Variants in NCOR1 observed in about 807,000 individuals in gnomAD.
The protein encoded by NCOR1 is nuclear receptor corepressor 1, also known as protein phosphatase 1, regulatory subunit 109.
A neutral mutation model predicts 288.1 loss-of-function variants in NCOR1; 63 were observed. The observed-to-expected ratio is 0.22, with a 90% CI of 0.18 to 0.27. The LOEUF is 0.27. Among genes scored for constraint, NCOR1 ranks in the 10% least tolerant of loss-of-function variants. The pLI is 1.00. For missense variants in NCOR1, 2,397 were observed against 3,019.2 expected (o/e 0.79, Z 4.83); for synonymous variants, 1,007 against 1,065.9 (o/e 0.94, Z 1.08).
intron 23 of NCOR1, among the ~76,000 whole-genome samples, chr17:16,085,209 T>C (rs2064029918): frequency 6.6e-6 from 1 of 152,064 alleles, no homozygotes; most frequent in South Asian, 2.1e-4. Flanking sequence ...AAATGTAAAA[T>C]ACAACCACAA....
intron 18 of NCOR1, among the ~76,000 whole-genome samples, chr17:16,112,528 A>C (rs1202599657): frequency 1.3e-5 from 2 of 151,984 alleles, no homozygotes; most frequent in Non-Finnish European, 2.9e-5. Flanking sequence ...ACGGAGTCTC[A>C]CTCTGTCGCC....
intron 42 of NCOR1, among the ~76,000 whole-genome samples, chr17:16,041,754 T>G (rs987151077): frequency 6.7e-6 from 1 of 149,536 alleles, no homozygotes; most frequent in African/African-American, 2.5e-5. Context: ...AATTTATTTT[T>G]AAGACGGAGT....
chr17:16,180,319 G>T (rs1051064291), intron 3 of NCOR1, among the ~76,000 whole-genome samples: 3 of 152,194 alleles, frequency 2.0e-5, no homozygotes, highest in African/African-American at 7.2e-5. Context: ...CTAGTATTTT[G>T]TTGGTGGGAA....
chr17:16,127,819 T>C (rs907721642), intron 14 of NCOR1, among the ~76,000 whole-genome samples: 8 of 151,530 alleles, frequency 5.3e-5, no homozygotes, highest in African/African-American at 1.5e-4. Context: ...ACTGGGAGTG[T>C]TGGAACATAT....
chr17:16,098,478 T>C lies in NCOR1; in HGVS notation c.2709A>G (p.Ser903=). ...PERQRMFPMD[S]KPSLLNPTGS... ...CAGTGGGGTTTAACAGTGAAGGCTTTGAGTCCATAGGAAACATTCTGCAAT... is the reference window on the plus strand; with the variant it reads ...CAGTGGGGTTTAACAGTGAAGGCTTCGAGTCCATAGGAAACATTCTGCAAT... The change falls in exon 21 of 46, where the codon TCA becomes TCG. Residue 903 remains serine, a synonymous_variant. Coordinates refer to ENST00000268712, the MANE Select transcript of NCOR1 (RefSeq NM_006311.4). 1 of 1,611,060 alleles carries C rather than the reference T, an allele frequency of 6.2e-7. No homozygotes were observed. The highest frequency in any genetic ancestry group is 8.5e-7 in the Non-Finnish European group (1 of 1,178,892).
chr17:16,040,924 A>G (rs926763586), intron 42 of NCOR1: 3 of 174,858 alleles, frequency 1.7e-5, no homozygotes, highest in Non-Finnish European at 2.4e-5. Flanking sequence ...GAAAAGGGAA[A>G]GGAACTTTGC....
intron 3 of NCOR1, among the ~76,000 whole-genome samples, chr17:16,173,761 T>A (rs902956696): frequency 1.3e-5 from 2 of 151,978 alleles, no homozygotes; most frequent in African/African-American, 4.8e-5. Flanking sequence ...GAAAAACCCA[T>A]CTCTACTAAA....
intron 25 of NCOR1, 139 bp from the exon 26 acceptor site, chr17:16,080,203 T>C: frequency 1.2e-6 from 1 of 806,508 alleles, no homozygotes; most frequent in East Asian, 2.7e-5. Context: ...TTTGTTTTAT[T>C]AAAATGTACT....
chr17:16,147,889 C>G (rs2078238241), intron 9 of NCOR1, among the ~76,000 whole-genome samples: 1 of 152,212 alleles, frequency 6.6e-6, no homozygotes, highest in Admixed American at 6.5e-5. Flanking sequence ...CGCGATCTCG[C>G]TCACTGCAAC....
intron 21 of NCOR1, among the ~76,000 whole-genome samples, chr17:16,092,691 A>ATTTTTTT (rs2065578838): frequency 9.2e-5 from 1 of 10,854 alleles, no homozygotes; most frequent in Non-Finnish European, 1.6e-4. Flanking sequence ...ATATATATAT[A>ATTTTTTT]TATATTTTTT....
At chr17:16,190,977 T>C (rs2088132062) in intron 2 of NCOR1, among the ~76,000 whole-genome samples, 1 of 152,198 alleles carries the variant, frequency 6.6e-6, no homozygotes, top group African/African-American at 2.4e-5. Context: ...ATCACAGTCG[T>C]TGAAGAAGCA....
chr17:16,052,686 G>A (rs906787160), intron 40 of NCOR1, among the ~76,000 whole-genome samples: 1 of 152,140 alleles, frequency 6.6e-6, no homozygotes, highest in Non-Finnish European at 1.5e-5. Flanking sequence ...AAAAGAGCTG[G>A]CACCATTCCT....
At chr17:16,129,214 C>A (rs2075231228) in intron 14 of NCOR1, among the ~76,000 whole-genome samples, 4 of 152,152 alleles carry the variant, frequency 2.6e-5, no homozygotes. Context: ...TCCTCATTAG[C>A]AGTGGGCACT....
At chr17:16,087,977 T>C (rs573600883) in intron 22 of NCOR1, among the ~76,000 whole-genome samples, 78 of 152,310 alleles carry the variant, frequency 5.1e-4, no homozygotes, top group African/African-American at 1.8e-3. Context: ...TTAAAATATA[T>C]AGTTTCTTTT....
intron 10 of NCOR1, among the ~76,000 whole-genome samples, chr17:16,144,931 T>C (rs1280593778): frequency 6.6e-6 from 1 of 151,872 alleles, no homozygotes; most frequent in Non-Finnish European, 1.5e-5. Flanking sequence ...CCTCTCTCCT[T>C]CTCCCGCTTT....
At chr17:16,146,249 C>A (rs183071464) in intron 10 of NCOR1, 127 bp downstream of exon 10, 19,798 of 797,416 alleles carry the variant, frequency 0.025, 307 homozygotes, top group Non-Finnish European at 0.03. Flanking sequence ...GTCCTATGAC[C>A]CTGCCAAATC....
At chr17:16,137,716 T>A (rs923779215) in intron 13 of NCOR1, 3 of 231,890 alleles carry the variant, frequency 1.3e-5, no homozygotes, top group African/African-American at 6.8e-5. Context: ...ACATGCAAAT[T>A]TTTAAAATGT....
chr17:16,136,680 G>A lies in NCOR1; in HGVS notation c.1509+631C>T, dbSNP rs573358543. ...AACTTAGCCGGGCGTGGTGGCAGGC[G>A]CCTGTAGTCCCAGCTACTCAGGAGG... On this transcript the variant is annotated intron_variant, in intron 14 of 45. Coordinates refer to ENST00000268712, the MANE Select transcript of NCOR1 (RefSeq NM_006311.4). Among the ~76,000 whole-genome samples the A allele has an allele frequency of 7.2e-5, 11 of 151,806 alleles. No homozygotes were observed. In the South Asian group the frequency reaches 1.5e-3, roughly 20 times the overall value.
chr17:16,126,320 A>G, intron 14 of NCOR1, 114 bp from the exon 15 acceptor site: 1 of 1,067,220 alleles, frequency 9.4e-7, no homozygotes, highest in East Asian at 2.7e-5. Context: ...GTCATTTACA[A>G]TGTAACTGGT....
Sources: allele counts gnomAD v4.1 joint callset (sites outside exome capture counted in the v4.1 genomes callset), GRCh38; gene constraint gnomAD v4.1.1; transcripts MANE v1.5; gene names NCBI Gene and HGNC (gene_info 2026-07-23, HGNC 2026-07-21).